The following CMA1 variants were observed in gnomAD, a reference collection of about 807,000 sequenced individuals.
CMA1 encodes the protein chymase.
In CMA1, 24 loss-of-function variants were observed where a neutral mutation model predicts 18.8. The observed-to-expected ratio is 1.28, with a 90% CI of 0.92 to 1.80. CMA1 has a LOEUF of 1.80. CMA1 is among the 40% of genes most tolerant of loss of function. The probability of loss-of-function intolerance (pLI) is 0.00; values close to 1 mark genes in which losing one functional copy is unlikely to be tolerated. For synonymous variants in CMA1, 152 were observed against 117.0 expected, an observed-to-expected ratio of 1.30 and a Z score of -1.93; for missense variants, 421 against 302.8, an observed-to-expected ratio of 1.39 and a Z score of -2.90.
At chr14:24,507,057 G>A (rs1189867160) in intron 2 of CMA1, among the ~76,000 whole-genome samples, 1 of 152,162 alleles carries the variant, frequency 6.6e-6, no homozygotes, top group South Asian at 2.1e-4. Context: ...CCTGAGACTG[G>A]GTGGGGCCCT....
intron 2 of CMA1, among the ~76,000 whole-genome samples, chr14:24,506,984 G>A (rs2043863033): frequency 6.6e-6 from 1 of 152,150 alleles, no homozygotes; most frequent in Non-Finnish European, 1.5e-5. Flanking sequence ...CCCATAAAAT[G>A]ATGGGTTCAG....
rs962739694 is a variant in CMA1, at chr14:24,507,261, G to A, written c.209+95C>T. 8.3e-6 allele frequency: 12 copies of A among 1,451,022 alleles called. No individual in the cohort carries two copies. The Admixed American group carries it at 1.7e-4, about 20-fold the overall frequency. 89.9% of individuals were successfully genotyped at this position (1,451,022 alleles called of 1,614,324 possible). ...CTCTCCTGAAAGTTGACAAGACCCA[G>A]GACCCCCTCTTCAGTCCCCAGTGCA... On this transcript the variant is annotated intron_variant, in intron 2 of 4. Transcript: ENST00000250378.
Position 24,505,392 on chromosome 14 carries a change from T to C in CMA1, c.*124A>G, listed in dbSNP as rs545250506. Reference sequence around the variant, plus strand: ...GGTTTATTGAGAGTTCTGTGACCTGTAGGATACTTCTGGAGGCTTAGGGTT... The same window carrying C: ...GGTTTATTGAGAGTTCTGTGACCTGCAGGATACTTCTGGAGGCTTAGGGTT... On this transcript the variant is annotated 3_prime_UTR_variant, in exon 5 of 5. Transcript: ENST00000250378. 4.5e-4 allele frequency: 558 copies of C among 1,249,312 alleles called. 1 individual carries two copies. Among genetic ancestry groups the C allele is most frequent in the South Asian group, 1.0e-3 (81 of 78,404 alleles). 77.4% of individuals were successfully genotyped at this position (1,249,312 alleles called of 1,614,324 possible).
At chr14:24,506,639 A>G (rs1226449168) in intron 2 of CMA1, 35 bp from the exon 3 acceptor site, 3 of 1,610,300 alleles carry the variant, frequency 1.9e-6, no homozygotes, top group Admixed American at 1.7e-5. Context: ...AAGGAGCGAC[A>G]GTGATGGCTT....
At chr14:24,505,953 G>C in intron 4 of CMA1, 75 bp downstream of exon 4, 1 of 1,558,822 alleles carries the variant, frequency 6.4e-7, no homozygotes, top group Non-Finnish European at 8.7e-7. Context: ...ACAACCTTCT[G>C]ACCCCATCTC....
At chr14:24,507,232 T>A in intron 2 of CMA1, 124 bp downstream of exon 2, 1 of 1,133,994 alleles carries the variant, frequency 8.8e-7, no homozygotes, top group Admixed American at 1.8e-5. Flanking sequence ...AGCCCAAGTC[T>A]TCCCTCTCCT....
rs778019528 is a variant in CMA1 at position 24,506,071 on chromosome 14, T to C, written c.557A>G (p.Gln186Arg). 2 of 1,614,204 alleles carry C rather than the reference T, an allele frequency of 1.2e-6. No homozygotes were observed. Among genetic ancestry groups the C allele is most frequent in the South Asian group, 2.2e-5 (2 of 91,084 alleles). ...CTTCCTGGGATTGCCCACACACAGCTGAAGATTGTGGTCAAAGTCTCTGAA... is the reference window on the plus strand; with the variant it reads ...CTTCCTGGGATTGCCCACACACAGCCGAAGATTGTGGTCAAAGTCTCTGAA... The part of the protein sequence containing the change: ...SHFRDFDHNL[Q>R]LCVGNPRKTK... Residue 186 changes from glutamine (Q) to arginine (R), a missense_variant, in exon 4 of 5, where the codon CAG (glutamine) becomes CGG (arginine). Transcript: ENST00000250378.
intron 2 of CMA1, 149 bp downstream of exon 2, chr14:24,507,207 A>G (rs1023241073): frequency 3.0e-5 from 27 of 901,860 alleles, no homozygotes; most frequent in Non-Finnish European, 4.6e-5. Flanking sequence ...ATTCAAACAC[A>G]GACTAAAGTC....
intron 2 of CMA1, 42 bp downstream of exon 2, chr14:24,507,314 G>T: frequency 6.2e-7 from 1 of 1,609,420 alleles, no homozygotes; most frequent in Non-Finnish European, 8.5e-7. Context: ...TACTCTGGTT[G>T]TTCATCTCCC....
In CMA1 at chr14:24,507,408, C is replaced by T. The variant is rs1203782942; in HGVS notation, c.157G>A (p.Gly53Ser). 6.2e-7 allele frequency: 1 copy of T among 1,614,180 alleles called. No individual in the cohort carries two copies. The highest frequency in any genetic ancestry group is 8.5e-7 in the Non-Finnish European group (1 of 1,180,024). ...TSNGPSKFCG[G>S]FLIRRNFVLT... is the part of the protein sequence containing the mutation. Reference sequence around the variant, plus strand: ...ACAAAGTTCCGTCTTATAAGGAAACCACCACAAAATTTTGAGGGACCGTTG... The same window carrying T: ...ACAAAGTTCCGTCTTATAAGGAAACTACCACAAAATTTTGAGGGACCGTTG... The change falls in exon 2 of 5, where the codon GGT (glycine) becomes AGT (serine). Residue 53 changes from glycine to serine, a missense_variant. Physicochemically the swap from Gly to Ser is moderately conservative, Grantham distance 56 (BLOSUM62 0). Coordinates refer to ENST00000250378, the MANE Select transcript of CMA1 (RefSeq NM_001836.5).
chr14:24,506,069 G>A lies in CMA1; in HGVS notation c.559C>T (p.Leu187=). The A allele has an allele frequency of 6.2e-7, 1 of 1,614,210 alleles. No individual in the cohort carries two copies. The highest frequency in any genetic ancestry group is 8.5e-7 in the Non-Finnish European group (1 of 1,180,014). ...GTCTTCCTGGGATTGCCCACACACA[G>A]CTGAAGATTGTGGTCAAAGTCTCTG... ...HFRDFDHNLQ[L]CVGNPRKTKS... Residue 187 remains leucine (L), a synonymous_variant, in exon 4 of 5, where the codon CTG becomes TTG. Coordinates refer to ENST00000250378, the MANE Select transcript of CMA1 (RefSeq NM_001836.5).
intron 2 of CMA1, among the ~76,000 whole-genome samples, chr14:24,506,813 G>A (rs545534718): frequency 2.6e-4 from 40 of 152,206 alleles, no homozygotes; most frequent in African/African-American, 8.4e-4. Context: ...CAATTTCTAC[G>A]ACCCCTGGAA....
chr14:24,505,665 G>A lies in CMA1; in HGVS notation c.601-6C>T, dbSNP rs1382993970. On this transcript the variant is annotated splice_polypyrimidine_tract_variant and splice_region_variant and intron_variant, in intron 4 of 4. Transcript: ENST00000250378. ...AGAGGGCCCCCAGAGTCTCCCTGTA[G>A]GGGGAGGAGAGAGAGAAGAAGGTGA... The A allele has an allele frequency of 5.6e-6, 9 of 1,599,068 alleles. No homozygotes were observed. Among genetic ancestry groups the A allele is most frequent in the Non-Finnish European group, 7.7e-6 (9 of 1,173,176 alleles).
chr14:24,508,067 C>A, intron 1 of CMA1, 111 bp downstream of exon 1: 1 of 1,068,326 alleles, frequency 9.4e-7, no homozygotes. Flanking sequence ...CTCTGGGACT[C>A]TTGAAGAGAG....
chr14:24,505,614 T>C lies in CMA1; in HGVS notation c.646A>G (p.Ile216Val). 6.2e-7 allele frequency: 1 copy of C among 1,613,816 alleles called. No individual in the cohort carries two copies. The highest frequency in any genetic ancestry group is 8.5e-7 in the Non-Finnish European group (1 of 1,179,956). The change falls in exon 5 of 5, where the codon ATC becomes GTC. Residue 216 changes from isoleucine (I) to valine (V), a missense_variant. Transcript: ENST00000250378. ...PLLCAGVAQG[I>V]VSYGRSDAKP... ...GCATCCGACCGTCCATAGGATACGA[T>C]GCCCTGGGCCACCCCAGCACACAGA...
At position 24,505,648 on chromosome 14, in the gene CMA1, C is replaced by T; in HGVS notation, c.612G>A (p.Gly204=). The T allele has an allele frequency of 1.9e-6, 3 of 1,610,306 alleles. No individual in the cohort carries two copies. The highest frequency in any genetic ancestry group is 1.1e-5 in the South Asian group (1 of 90,660). ...KTKSAFKGDS[G]GPLLCAGVAQ... is the part of the protein sequence containing the mutation. ...CCACCCCAGCACACAGAAGAGGGCCCCCAGAGTCTCCCTGTAGGGGGAGGA... is the reference window on the plus strand; with the variant it reads ...CCACCCCAGCACACAGAAGAGGGCCTCCAGAGTCTCCCTGTAGGGGGAGGA... The change falls in exon 5 of 5, where the codon GGG becomes GGA. Residue 204 remains glycine (G), a synonymous_variant. Transcript: ENST00000250378.
At chr14:24,507,562 T>A in intron 1 of CMA1, 56 bp from the exon 2 acceptor site, 2 of 1,562,872 alleles carry the variant, frequency 1.3e-6, no homozygotes, top group Non-Finnish European at 1.7e-6. Flanking sequence ...CTCCAATGAA[T>A]GGACAAATTG....
intron 1 of CMA1, 28 bp from the exon 2 acceptor site, chr14:24,507,534 C>A: frequency 6.2e-7 from 1 of 1,600,802 alleles, no homozygotes; most frequent in Non-Finnish European, 8.5e-7. Context: ...AGGGTTTGAA[C>A]ACGGCCATAG....
Position 24,507,382 on chromosome 14 carries a change from C to T in CMA1, c.183G>A (p.Val61=), listed in dbSNP as rs1296071585. The change falls in exon 2 of 5, where the codon GTG becomes GTA. Residue 61 remains valine, a synonymous_variant. Coordinates refer to ENST00000250378, the MANE Select transcript of CMA1 (RefSeq NM_001836.5). The stretch of plus-strand genomic sequence containing the variant: ...TTCCTGCACAATGAGCAGCCGTCAG[C>T]ACAAAGTTCCGTCTTATAAGGAAAC... ...CGGFLIRRNF[V]LTAAHCAGRS... 1.2e-6 allele frequency: 2 copies of T among 1,614,158 alleles called. No individual in the cohort carries two copies. The highest frequency in any genetic ancestry group is 2.2e-5 in the East Asian group (1 of 44,884).
Sources: allele counts gnomAD v4.1 joint callset (sites outside exome capture counted in the v4.1 genomes callset), GRCh38; gene constraint gnomAD v4.1.1; transcripts MANE v1.5; gene names NCBI Gene and HGNC (gene_info 2026-07-23, HGNC 2026-07-21).